OSBPL5: variants seen among roughly 807,000 people sequenced by gnomAD.
OSBPL5 encodes oxysterol binding protein like 5.
Under a neutral mutation model 111.2 loss-of-function variants are expected in OSBPL5, and 71 were observed. The observed-to-expected ratio is 0.64, with a 90% confidence interval of 0.53 to 0.78. The LOEUF (loss-of-function observed/expected upper bound fraction) is 0.78. OSBPL5 is among the 30% of genes least tolerant of loss of function. The probability of loss-of-function intolerance (pLI) is 0.00; values close to 1 mark genes in which losing one functional copy is unlikely to be tolerated. For missense variants in OSBPL5, 1,210 were observed against 1,189.3 expected, an observed-to-expected ratio of 1.02 and a Z score of -0.26; for synonymous variants, 549 against 513.9, an observed-to-expected ratio of 1.07 and a Z score of -0.93.
rs558977841 is a variant in OSBPL5 at position 3,092,628 on chromosome 11, T to G, written c.2133-70A>C. On this transcript the variant is annotated intron_variant, in intron 18 of 21. Transcript: ENST00000263650. The surrounding 1 kb of genome is among the most constrained non-coding windows in gnomAD (Gnocchi z 5.4). ...AGGTGAGGGGGCTGTCCTGGCCCAG[T>G]CTTCAGCCCCCCAACAGTGGCCAGA... The G allele has an allele frequency of 4.4e-5, 65 of 1,478,002 alleles. No individual in the cohort carries two copies. The East Asian group carries it at 1.6e-3, about 36-fold the overall frequency. 91.6% of individuals were successfully genotyped at this position (1,478,002 alleles called of 1,614,324 possible). A position where few individuals can be genotyped will look rare whatever the true frequency, so the allele number is the denominator to read the frequency against.
chr11:3,123,455 C>T (rs918360178), intron 3 of OSBPL5, among the ~76,000 whole-genome samples: 4 of 152,364 alleles, frequency 2.6e-5, no homozygotes, highest in Middle Eastern at 6.8e-3. Context: ...CCAGGCGATC[C>T]GGCAGGCGTT....
chr11:3,093,931 G>A lies in OSBPL5; in HGVS notation c.1720-96C>T. On this transcript the variant is annotated intron_variant, in intron 15 of 21. Transcript: ENST00000263650. Reference sequence around the variant, plus strand: ...GGCACGGAACAGTTATTCTCTTGGGGTGCCTGGGAGCCCAGGAGGGATGGA... The same window carrying A: ...GGCACGGAACAGTTATTCTCTTGGGATGCCTGGGAGCCCAGGAGGGATGGA... 5 of 1,434,772 alleles carry A rather than the reference G, an allele frequency of 3.5e-6. No homozygotes were observed. In the South Asian group the frequency reaches 5.0e-5, roughly 14 times the overall value. The allele number at this position is 1,434,772 out of a possible 1,614,324, so 88.9% of individuals were successfully genotyped here. A position where few individuals can be genotyped will look rare whatever the true frequency, so the allele number is the denominator to read the frequency against.
At chr11:3,147,071 G>A (rs188384956) in intron 1 of OSBPL5, among the ~76,000 whole-genome samples, 6 of 151,310 alleles carry the variant, frequency 4.0e-5, no homozygotes, top group African/African-American at 9.7e-5. Flanking sequence ...TCACCCTCAC[G>A]TCCTGGGCTT....
At position 3,122,363 on chromosome 11, in the gene OSBPL5, C is replaced by T; in HGVS notation, c.285G>A (p.Lys95=). The part of the protein sequence containing the change: ...ECVSPTARVT[K]KETLKAQKEN... ...CCGGGCTCACCTTGAGAGTCTCCTT[C>T]TTGGTGACCCTGGCGGTGGGGGACA... is the stretch of plus-strand genomic sequence containing the variant. The change falls in exon 4 of 22, where the codon AAG becomes AAA. Residue 95 remains lysine, a synonymous_variant. Coordinates refer to ENST00000263650, the MANE Select transcript of OSBPL5 (RefSeq NM_020896.4). The T allele has an allele frequency of 6.2e-7, 1 of 1,613,744 alleles. No homozygotes were observed. Among genetic ancestry groups the T allele is most frequent in the Non-Finnish European group, 8.5e-7 (1 of 1,179,910 alleles).
chr11:3,099,156 T>A (rs562351958), intron 14 of OSBPL5, among the ~76,000 whole-genome samples: 40 of 152,254 alleles, frequency 2.6e-4, no homozygotes, highest in African/African-American at 9.6e-4. Flanking sequence ...CTGAAAACGC[T>A]CCACACCGTA....
Position 3,126,355 on chromosome 11 carries a change from C to T in OSBPL5, c.219+118G>A, listed in dbSNP as rs928226314. ...GTCTAGGATTGGGAGCTGTTTCCCC[C>T]GAACAGGCTGGAATGGCAGGCTCAG... On this transcript the variant is annotated intron_variant, in intron 3 of 21. Coordinates refer to ENST00000263650, the MANE Select transcript of OSBPL5 (RefSeq NM_020896.4). This position sits in a 1 kb window ranked among gnomAD's most constrained non-coding sequence, Gnocchi z 6.5. 4.6e-5 allele frequency: 42 copies of T among 915,276 alleles called. No homozygotes were observed. Among genetic ancestry groups the T allele is most frequent in the Admixed American group, 1.3e-4 (4 of 31,290 alleles). 56.7% of individuals were successfully genotyped at this position (915,276 alleles called of 1,614,324 possible).
chr11:3,108,545 C>T (rs1857793797), intron 7 of OSBPL5, among the ~76,000 whole-genome samples: 1 of 152,134 alleles, frequency 6.6e-6, no homozygotes, highest in Admixed American at 6.5e-5. Context: ...GCTCTGTGGG[C>T]AGCGGTGGAG....
rs1230380197 is a variant in OSBPL5, at chr11:3,120,445, C to T, written c.582G>A (p.Leu194=). 8 of 1,613,272 alleles carry T rather than the reference C, an allele frequency of 5.0e-6. No individual in the cohort carries two copies. The highest frequency in any genetic ancestry group is 5.1e-6 in the Non-Finnish European group (6 of 1,179,996). ...CCTTCACGGCCCAGACGGACTGATC[C>T]AGCGGGTGGAAGAGCTTGAAGCAGA... ...DGFCFKLFHP[L]DQSVWAVKGP... The change falls in exon 6 of 22, where the codon CTG becomes CTA. Residue 194 remains leucine, a synonymous_variant. Transcript: ENST00000263650.
At position 3,090,628 on chromosome 11, in the gene OSBPL5, C is replaced by T; in HGVS notation, c.2328G>A (p.Glu776=). 5.6e-6 allele frequency: 9 copies of T among 1,613,058 alleles called. No individual in the cohort carries two copies. Among genetic ancestry groups the T allele is most frequent in the Non-Finnish European group, 7.6e-6 (9 of 1,179,972 alleles). ...AGGACTCAGGCGTGGATCCGCTGCTCTCCGTGGCCTGGCTGTGGCCGGAGG... is the reference window on the plus strand; with the variant it reads ...AGGACTCAGGCGTGGATCCGCTGCTTTCCGTGGCCTGGCTGTGGCCGGAGG... The part of the protein sequence containing the change: ...DQPSGHSQAT[E]SSGSTPESCP... The change falls in exon 20 of 22, where the codon GAG becomes GAA. Residue 776 remains glutamate (E), a synonymous_variant. Transcript: ENST00000263650.
At chr11:3,119,524 T>C in intron 7 of OSBPL5, 23 bp downstream of exon 7, 1 of 1,560,110 alleles carries the variant, frequency 6.4e-7, no homozygotes, top group Non-Finnish European at 8.6e-7. Flanking sequence ...ACTGGGGAGA[T>C]GCGCAAGCTG....
intron 2 of OSBPL5, among the ~76,000 whole-genome samples, chr11:3,127,204 G>C (rs986081572): frequency 2.0e-5 from 3 of 152,234 alleles, no homozygotes; most frequent in African/African-American, 4.8e-5. Flanking sequence ...CCTGAGGTCT[G>C]CCCAGCAGGG....
At position 3,120,405 on chromosome 11, in the gene OSBPL5, C is replaced by T. The variant is rs760123356; in HGVS notation, c.606+16G>A. 2 of 1,608,010 alleles carry T rather than the reference C, an allele frequency of 1.2e-6. No individual in the cohort carries two copies. Among genetic ancestry groups the T allele is most frequent in the South Asian group, 2.2e-5 (2 of 90,386 alleles). On this transcript the variant is annotated intron_variant, in intron 6 of 21. Transcript: ENST00000263650. ...CCTACGGGGCCTCTGTCTTCAACCC[C>T]ACCCCTCCGCAGCACCTTCACGGCC... is the stretch of plus-strand genomic sequence containing the variant.
At chr11:3,156,549 A>C (rs1288527852) in intron 1 of OSBPL5, among the ~76,000 whole-genome samples, 1 of 152,022 alleles carries the variant, frequency 6.6e-6, no homozygotes, top group African/African-American at 2.4e-5. Flanking sequence ...TGGGGAAAGA[A>C]TCGAGCTCTG....
In OSBPL5 at chr11:3,154,283, C is replaced by T. The variant is rs79660079; in HGVS notation, c.-22+10933G>A. ...GCGTGCAGCACCTGCCAGTAGGTAG[C>T]AGGATGTGTCGTAGAGGGCTTGCTG... On this transcript the variant is annotated intron_variant, in intron 1 of 21. Coordinates refer to ENST00000263650, the MANE Select transcript of OSBPL5 (RefSeq NM_020896.4). This position sits in a 1 kb window ranked among gnomAD's most constrained non-coding sequence, Gnocchi z 4.9. 4.8e-3 allele frequency among the ~76,000 whole-genome samples: 729 copies of T among 152,352 alleles called. 4 individuals are homozygous for T. Among genetic ancestry groups the T allele is most frequent in the Non-Finnish European group, 7.5e-3 (507 of 68,040 alleles).
intron 1 of OSBPL5, among the ~76,000 whole-genome samples, chr11:3,150,488 G>C (rs1431350579): frequency 1.3e-5 from 2 of 152,108 alleles, no homozygotes; most frequent in Non-Finnish European, 2.9e-5. Context: ...TCCAAGCTGG[G>C]CTGCCATGTC....
intron 1 of OSBPL5, among the ~76,000 whole-genome samples, chr11:3,131,868 T>TCCTCCTGTCCATCCATCCAC (rs1845812007): frequency 1.1e-5 from 1 of 87,442 alleles, no homozygotes; most frequent in African/African-American, 4.8e-5. Flanking sequence ...CATCCATCCA[T>TCCTCCTGTCCATCCATCCAC]CCATCCATCC....
Position 3,107,427 on chromosome 11 carries a change from C to T in OSBPL5, c.895G>A (p.Ala299Thr), listed in dbSNP as rs147815943. The T allele has an allele frequency of 1.1e-4, 174 of 1,614,094 alleles. No homozygotes were observed. In the African/African-American group the frequency reaches 2.1e-3, roughly 20 times the overall value. ...TCTCTCTCCGACTTGTCTGAGAATGCATCGTTCTCCAGGGAAGACCCGTTC... is the reference window on the plus strand; with the variant it reads ...TCTCTCTCCGACTTGTCTGAGAATGTATCGTTCTCCAGGGAAGACCCGTTC... ...PLNGSSLENDAFSDKSERENP... is the reference protein window; with the variant it reads ...PLNGSSLENDTFSDKSERENP... The change falls in exon 9 of 22, where the codon GCA becomes ACA. Residue 299 changes from alanine (A) to threonine (T), a missense_variant. Ala to Thr is a moderately conservative substitution (Grantham distance 58). Transcript: ENST00000263650. This position sits in a 1 kb window ranked among gnomAD's most constrained non-coding sequence, Gnocchi z 6.1.
chr11:3,141,107 AAAC>A lies in OSBPL5; in HGVS notation c.-21-11941_-21-11939del, dbSNP rs60872252. Among the ~76,000 whole-genome samples, 7 of 151,846 alleles carry A rather than the reference AAAC, an allele frequency of 4.6e-5. No individual in the cohort carries two copies. The highest frequency in any genetic ancestry group is 1.7e-4 in the African/African-American group (7 of 41,258). ...AGGAATAAAAACCACCTAACAACAG[AAAC>A]AACGTCAACCCATAAAGCCTCATTC... On this transcript the variant is annotated intron_variant, in intron 1 of 21. Coordinates refer to ENST00000263650, the MANE Select transcript of OSBPL5 (RefSeq NM_020896.4). The surrounding 1 kb of genome is among the most constrained non-coding windows in gnomAD (Gnocchi z 6.5).
At position 3,120,419 on chromosome 11, in the gene OSBPL5, A is replaced by C. The variant is rs1590678572; in HGVS notation, c.606+2T>G. ...GTCTTCAACCCCACCCCTCCGCAGC[A>C]CCTTCACGGCCCAGACGGACTGATC... is the stretch of plus-strand genomic sequence containing the variant. On this transcript the variant is annotated splice_donor_variant, in intron 6 of 21. Transcript: ENST00000263650. LOFTEE classifies it high-confidence loss of function. 1 of 1,612,244 alleles carries C rather than the reference A, an allele frequency of 6.2e-7. No individual in the cohort carries two copies. Among genetic ancestry groups the C allele is most frequent in the Non-Finnish European group, 8.5e-7 (1 of 1,179,594 alleles).
Sources: gnomAD v4.1 joint callset for allele counts (sites outside exome capture counted in the v4.1 genomes callset) on GRCh38, gnomAD v4.1.1 for gene constraint, Gnocchi (gnomAD v3.1) non-coding constraint, MANE v1.5 for transcripts, NCBI Gene and HGNC (gene_info 2026-07-23, HGNC 2026-07-21) for gene names.